Variants in ITGA5 observed in about 807,000 individuals in gnomAD.
ITGA5 encodes the protein integrin subunit alpha 5.
ITGA5 carries 55 observed loss-of-function variants against 146.3 expected under a neutral mutation model. The ratio of observed to expected loss-of-function variants is 0.38; its 90% CI spans 0.30 to 0.47. The LOEUF (loss-of-function observed/expected upper bound fraction) is 0.47. Ranked by LOEUF, ITGA5 falls within the 20% of genes least tolerant of loss-of-function variation. The pLI is 0.99. For missense variants in ITGA5, 1,131 were observed against 1,329.0 expected (o/e 0.85, Z 2.32); for synonymous variants, 500 against 531.8 (o/e 0.94, Z 0.82).
intron 1 of ITGA5, among the ~76,000 whole-genome samples, chr12:54,412,708 C>T (rs1489186850): frequency 6.6e-6 from 1 of 152,188 alleles, no homozygotes; most frequent in Admixed American, 6.5e-5. Context: ...TGCTTCTGTT[C>T]CCCCTGATAT....
intron 12 of ITGA5, 56 bp from the exon 13 acceptor site, chr12:54,404,950 C>T: frequency 7.1e-7 from 1 of 1,407,480 alleles, no homozygotes; most frequent in Non-Finnish European, 9.5e-7. Context: ...GGGCTCTAAT[C>T]TCTACTACCA....
chr12:54,403,262 G>A lies in ITGA5; in HGVS notation c.1839C>T (p.Asp613=). Residue 613 remains aspartate, a synonymous_variant, in exon 18 of 30, where the codon GAC becomes GAT. Transcript: ENST00000293379. This position sits in a 1 kb window ranked among gnomAD's most constrained non-coding sequence, Gnocchi z 4.9. ...CGTGGCTGTCCACTGGGGCTTGGGG[G>A]TCCAAGGAGAAGTTGAGAGCGATGT... is the stretch of plus-strand genomic sequence containing the variant. ...PIHIALNFSL[D]PQAPVDSHGL... The A allele has an allele frequency of 1.3e-6, 2 of 1,567,376 alleles. No individual in the cohort carries two copies. Among genetic ancestry groups the A allele is most frequent in the Admixed American group, 2.0e-5 (1 of 50,098 alleles).
intron 27 of ITGA5, 137 bp from the exon 28 acceptor site, chr12:54,398,835 CTTTTTT>C: frequency 4.5e-4 from 100 of 220,112 alleles, no homozygotes; most frequent in East Asian, 1.1e-3. Context: ...CTCTCTCTCT[CTTTTTT>C]TTTTTTTTTT....
chr12:54,411,049 A>T (rs963649269), intron 2 of ITGA5, among the ~76,000 whole-genome samples: 2 of 152,108 alleles, frequency 1.3e-5, no homozygotes, highest in South Asian at 4.1e-4. Context: ...TTTGGTAGAG[A>T]CAGGGTCTCA....
intron 25 of ITGA5, 36 bp from the exon 26 acceptor site, chr12:54,399,983 A>T (rs1955767416): frequency 6.7e-7 from 1 of 1,485,518 alleles, no homozygotes; most frequent in Non-Finnish European, 9.4e-7. Context: ...TTCCCATCTC[A>T]TTACAGCTTC....
rs1955918290 is a variant in ITGA5, at chr12:54,409,812, A to G, written c.350-215T>C. 7.4e-6 allele frequency: 4 copies of G among 537,566 alleles called. No individual in the cohort carries two copies. Among genetic ancestry groups the G allele is most frequent in the Non-Finnish European group, 1.3e-5 (4 of 299,490 alleles). 33.3% of individuals were successfully genotyped at this position (537,566 alleles called of 1,614,324 possible). On this transcript the variant is annotated intron_variant, in intron 2 of 29. Transcript: ENST00000293379. This position sits in a 1 kb window ranked among gnomAD's most constrained non-coding sequence, Gnocchi z 4.7. ...CTCTCCACTACACACATACACATAC[A>G]CACACACACATACATACACACGCAC...
rs1956005387 is a variant in ITGA5, at chr12:54,416,131, G to T, written c.218+2850C>A. ...CAGTCTGGGGTCGCTCAGTACAGAT[G>T]TGATCTCAGCTCACTGCAATCTCTG... On this transcript the variant is annotated intron_variant, in intron 1 of 29. Coordinates refer to ENST00000293379, the MANE Select transcript of ITGA5 (RefSeq NM_002205.5). The surrounding 1 kb of genome is among the most constrained non-coding windows in gnomAD (Gnocchi z 4.1). Among the ~76,000 whole-genome samples, 1 of 152,198 alleles carries T rather than the reference G, an allele frequency of 6.6e-6. No individual in the cohort carries two copies. The highest frequency in any genetic ancestry group is 2.1e-4 in the South Asian group (1 of 4,834).
rs139629212 is a variant in ITGA5 at position 54,403,556 on chromosome 12, C to T, written c.1776+69G>A. On this transcript the variant is annotated intron_variant, in intron 17 of 29. Coordinates refer to ENST00000293379, the MANE Select transcript of ITGA5 (RefSeq NM_002205.5). This position sits in a 1 kb window ranked among gnomAD's most constrained non-coding sequence, Gnocchi z 4.9. ...TGGAGTCCCCCAGTCTTTTTCCCTT[C>T]AGGAGGTGCCCTCAGTTCTGTGTGG... 1,781 of 1,522,692 alleles carry T rather than the reference C, an allele frequency of 1.2e-3. 27 individuals carry two copies. In the African/African-American group the frequency reaches 0.022, roughly 19 times the overall value. 94.3% of individuals were successfully genotyped at this position (1,522,692 alleles called of 1,614,324 possible). A position where few individuals can be genotyped will look rare whatever the true frequency, so the allele number is the denominator to read the frequency against.
chr12:54,396,786 C>T (rs1041558678), intron 29 of ITGA5, among the ~76,000 whole-genome samples: 3 of 152,140 alleles, frequency 2.0e-5, no homozygotes, highest in East Asian at 1.9e-4. Flanking sequence ...TGGGCTCAAG[C>T]GATCCTCCCA....
At chr12:54,405,040 TG>T in intron 12 of ITGA5, 125 bp downstream of exon 12, 2 of 1,205,516 alleles carry the variant, frequency 1.7e-6, no homozygotes, top group Non-Finnish European at 1.2e-6. Flanking sequence ...ACCCAGACAG[TG>T]GGATTTTAAC....
chr12:54,399,502 G>T, intron 27 of ITGA5, 143 bp downstream of exon 27: 2 of 653,114 alleles, frequency 3.1e-6, no homozygotes. Context: ...ATACAGCCTG[G>T]TCTAGACAAG....
intron 1 of ITGA5, among the ~76,000 whole-genome samples, chr12:54,413,628 A>T (rs752291310): frequency 6.6e-6 from 1 of 152,176 alleles, no homozygotes. Flanking sequence ...GGGCTGGGTG[A>T]TGTGAGAGAA....
Position 54,398,613 on chromosome 12 carries a change from G to A in ITGA5, c.2927C>T (p.Pro976Leu). The change falls in exon 28 of 30, where the codon CCC becomes CTC. Residue 976 changes from proline to leucine, a missense_variant. Physicochemically the swap from Pro to Leu is moderately conservative, Grantham distance 98. This residue lies in a region of ITGA5 where 889 missense variants were observed against 1,021.5 expected (regional missense o/e 0.87). Coordinates refer to ENST00000293379, the MANE Select transcript of ITGA5 (RefSeq NM_002205.5). ...TAGACTCACCTGACGCTCTTTTTGGGGCAGCTGCCGAGGCAGGATTCGGTA... is the reference window on the plus strand; with the variant it reads ...TAGACTCACCTGACGCTCTTTTTGGAGCAGCTGCCGAGGCAGGATTCGGTA... ...MPYRILPRQL[P>L]QKERQVATAV... is the part of the protein sequence containing the mutation. 3 of 1,611,114 alleles carry A rather than the reference G, an allele frequency of 1.9e-6. No homozygotes were observed. Among genetic ancestry groups the A allele is most frequent in the East Asian group, 4.5e-5 (2 of 44,654 alleles).
intron 29 of ITGA5, 99 bp downstream of exon 29, chr12:54,397,266 G>T: frequency 1.5e-6 from 2 of 1,350,940 alleles, no homozygotes; most frequent in Non-Finnish European, 2.1e-6. Context: ...GGGGCACATG[G>T]CTGGTGAACT....
At chr12:54,415,991 A>G (rs1956003087) in intron 1 of ITGA5, among the ~76,000 whole-genome samples, 1 of 152,196 alleles carries the variant, frequency 6.6e-6, no homozygotes, top group African/African-American at 2.4e-5. Context: ...TTTCCCTTGA[A>G]TGTTTCCTAA....
At position 54,416,760 on chromosome 12, in the gene ITGA5, C is replaced by T. The variant is rs978153167; in HGVS notation, c.218+2221G>A. Among the ~76,000 whole-genome samples, 7 of 152,310 alleles carry T rather than the reference C, an allele frequency of 4.6e-5. No homozygotes were observed. The highest frequency in any genetic ancestry group is 1.9e-4 in the East Asian group (1 of 5,182). On this transcript the variant is annotated intron_variant, in intron 1 of 29. Transcript: ENST00000293379. This position sits in a 1 kb window ranked among gnomAD's most constrained non-coding sequence, Gnocchi z 4.1. ...CCTCTCCCTAGGTACTAGGGTACCACGCAAAAAACTAGTAAGTAGTGGGGA... is the reference window on the plus strand; with the variant it reads ...CCTCTCCCTAGGTACTAGGGTACCATGCAAAAAACTAGTAAGTAGTGGGGA...
In ITGA5 at chr12:54,398,718, G is replaced by A. The variant is rs893534435; in HGVS notation, c.2842-20C>T. The A allele has an allele frequency of 6.5e-7, 1 of 1,540,164 alleles. No individual in the cohort carries two copies. Among genetic ancestry groups the A allele is most frequent in the Non-Finnish European group, 8.9e-7 (1 of 1,126,620 alleles). ...CTCCCGCTGTGGGTAGGGGAAAGTT[G>A]GTTAGCACATCCTCTCTTGGGATCC... is the stretch of plus-strand genomic sequence containing the variant. On this transcript the variant is annotated intron_variant, in intron 27 of 29. Transcript: ENST00000293379.
Position 54,409,264 on chromosome 12 carries a change from G to A in ITGA5, c.551C>T (p.Thr184Ile), listed in dbSNP as rs756204088. Residue 184 changes from threonine (T) to isoleucine (I), a missense_variant, in exon 4 of 30, where the codon ACC becomes ATC. Coordinates refer to ENST00000293379, the MANE Select transcript of ITGA5 (RefSeq NM_002205.5). This position sits in a 1 kb window ranked among gnomAD's most constrained non-coding sequence, Gnocchi z 4.7. ...GCAGGGTGCATACTCCAGAATTCGG[G>A]TGAAGTTATCTGTGGAGAGGTAGCA... ...GTCYLSTDNF[T>I]RILEYAPCRS... 6 of 1,613,980 alleles carry A rather than the reference G, an allele frequency of 3.7e-6. No individual in the cohort carries two copies. In the South Asian group the frequency reaches 4.4e-5, roughly 12 times the overall value.
Position 54,403,473 on chromosome 12 carries a change from GCTCCT to G in ITGA5, c.1776+147_1777-150del. The G allele has an allele frequency of 7.9e-7, 1 of 1,272,178 alleles. No individual in the cohort carries two copies. Among genetic ancestry groups the G allele is most frequent in the Non-Finnish European group, 1.1e-6 (1 of 927,434 alleles). 78.8% of individuals were successfully genotyped at this position (1,272,178 alleles called of 1,614,324 possible). A position where few individuals can be genotyped will look rare whatever the true frequency, so the allele number is the denominator to read the frequency against. On this transcript the variant is annotated intron_variant, in intron 17 of 29. Coordinates refer to ENST00000293379, the MANE Select transcript of ITGA5 (RefSeq NM_002205.5). This position sits in a 1 kb window ranked among gnomAD's most constrained non-coding sequence, Gnocchi z 4.9. ...AGAGGCCCTGGCAGCCTGCTTCCCA[GCTCCT>G]CTGACAGAAGGTCTCCCTTTCTCAG...
Sources: gnomAD v4.1 joint callset for allele counts (sites outside exome capture counted in the v4.1 genomes callset) on GRCh38, gnomAD v4.1.1 for gene constraint, gnomAD v4.1.1 regional missense constraint, Gnocchi (gnomAD v3.1) non-coding constraint, MANE v1.5 for transcripts, NCBI Gene and HGNC (gene_info 2026-07-23, HGNC 2026-07-21) for gene names.